The following STXBP6 variants were observed in gnomAD, a reference collection of about 807,000 sequenced individuals.
The protein encoded by STXBP6 is syntaxin-binding protein 6.
STXBP6 carries 21 observed loss-of-function variants against 26.9 expected under a neutral mutation model. The ratio of observed to expected loss-of-function variants is 0.78; its 90% CI spans 0.55 to 1.12. The LOEUF (loss-of-function observed/expected upper bound fraction) is 1.12, where lower values mean the gene tolerates loss of function less well. Among genes scored for constraint, STXBP6 ranks in the 50% most tolerant of loss-of-function variants. The pLI is 0.00. For synonymous variants in STXBP6, 97 were observed against 92.6 expected (o/e 1.05, Z -0.27); for missense variants, 232 against 257.9 (o/e 0.90, Z 0.69).
chr14:24,937,288 T>C lies in STXBP6; in HGVS notation c.154+37377A>G, dbSNP rs557664207. 8.5e-5 allele frequency among the ~76,000 whole-genome samples: 13 copies of C among 152,188 alleles called. No individual in the cohort carries two copies. The East Asian group carries it at 2.5e-3, about 29-fold the overall frequency. On this transcript the variant is annotated intron_variant, in intron 2 of 5. Transcript: ENST00000323944. ...CGTACCCCAGAATTTAAAATATAAT[T>C]TAAAAAAAAGTAAAGAGACTACCAA... is the stretch of plus-strand genomic sequence containing the variant.
In STXBP6 at chr14:25,018,517, C is replaced by T. The variant is rs184213195; in HGVS notation, c.-33+31361G>A. Among the ~76,000 whole-genome samples the T allele has an allele frequency of 1.4e-4, 22 of 152,310 alleles. 1 individual carries two copies. The East Asian group carries it at 4.1e-3, about 28-fold the overall frequency. ...TATGCCATTCTTTGGCATTGCCACC[C>T]AGGGTTAGGGCACTCTCCTGACACT... is the stretch of plus-strand genomic sequence containing the variant. On this transcript the variant is annotated intron_variant, in intron 1 of 5. Coordinates refer to ENST00000323944, the MANE Select transcript of STXBP6 (RefSeq NM_001394410.1).
intron 1 of STXBP6, among the ~76,000 whole-genome samples, chr14:24,980,865 A>T (rs2074171255): frequency 6.6e-6 from 1 of 152,238 alleles, no homozygotes; most frequent in South Asian, 2.1e-4. Context: ...TAGGAAAAAA[A>T]ATATCTTAAA....
rs567120001 is a variant in STXBP6, at chr14:24,975,076, T to C, written c.-32-226A>G. ...GGGGTACTTATTTACTTCCCAAAAA[T>C]GTCAAACACAATATGAGATGAGTAG... On this transcript the variant is annotated intron_variant, in intron 1 of 5. Coordinates refer to ENST00000323944, the MANE Select transcript of STXBP6 (RefSeq NM_001394410.1). 1.6e-4 allele frequency among the ~76,000 whole-genome samples: 25 copies of C among 152,278 alleles called. No homozygotes were observed. The South Asian group carries it at 2.3e-3, about 14-fold the overall frequency.
chr14:24,937,702 A>T (rs1013762481), intron 2 of STXBP6, among the ~76,000 whole-genome samples: 5 of 152,234 alleles, frequency 3.3e-5, no homozygotes, highest in African/African-American at 1.2e-4. Flanking sequence ...TTAAACATGT[A>T]TATACAGCAA....
intron 1 of STXBP6, among the ~76,000 whole-genome samples, chr14:25,041,686 G>A (rs2075645227): frequency 1.3e-5 from 2 of 152,170 alleles, no homozygotes; most frequent in South Asian, 2.1e-4. Flanking sequence ...ACCTGCCAGA[G>A]GAATCAGATA....
chr14:24,886,015 T>G (rs2070571104), intron 2 of STXBP6, among the ~76,000 whole-genome samples: 1 of 152,218 alleles, frequency 6.6e-6, no homozygotes, highest in Non-Finnish European at 1.5e-5. Flanking sequence ...CCTAGCTTCT[T>G]TCTCTATGTT....
At chr14:24,976,880 T>TTTTTTA (rs2074060892) in intron 1 of STXBP6, among the ~76,000 whole-genome samples, 1 of 136,084 alleles carries the variant, frequency 7.3e-6, no homozygotes, top group South Asian at 2.5e-4. Flanking sequence ...TTTTTTTTTT[T>TTTTTTA]GAGGCAGAGT....
chr14:25,027,159 T>A (rs890235143), intron 1 of STXBP6, among the ~76,000 whole-genome samples: 2 of 152,312 alleles, frequency 1.3e-5, no homozygotes, highest in East Asian at 1.9e-4. Flanking sequence ...GATACAAGCA[T>A]AGTTTGTTTA....
chr14:24,964,647 C>CTCTGTGTGTG (rs1555334125), intron 2 of STXBP6, among the ~76,000 whole-genome samples: 1 of 140,128 alleles, frequency 7.1e-6, no homozygotes, highest in African/African-American at 2.7e-5. Flanking sequence ...AGTTCTCATT[C>CTCTGTGTGTG]TGTGTGTGTG....
At chr14:24,958,144 G>A (rs1009175601) in intron 2 of STXBP6, among the ~76,000 whole-genome samples, 4 of 152,056 alleles carry the variant, frequency 2.6e-5, no homozygotes, top group Non-Finnish European at 4.4e-5. Context: ...GATTCAATGC[G>A]GTTAGGCTAA....
chr14:24,897,718 G>C (rs1195382110), intron 2 of STXBP6, among the ~76,000 whole-genome samples: 47 of 152,298 alleles, frequency 3.1e-4, no homozygotes, highest in Non-Finnish European at 5.9e-5. Context: ...GAGAGGTTTA[G>C]TAGGCTCTTG....
chr14:24,949,030 A>G (rs1052946066), intron 2 of STXBP6, among the ~76,000 whole-genome samples: 26 of 152,186 alleles, frequency 1.7e-4, no homozygotes, highest in African/African-American at 6.3e-4. Context: ...AGGAGGGCAC[A>G]CAGAGTAGCT....
chr14:25,042,938 A>T (rs1202311946), intron 1 of STXBP6, among the ~76,000 whole-genome samples: 1 of 152,230 alleles, frequency 6.6e-6, no homozygotes, highest in South Asian at 2.1e-4. Flanking sequence ...CCACCACAAG[A>T]ACCCTCTTTA....
At chr14:24,909,650 G>T (rs1201429978) in intron 2 of STXBP6, among the ~76,000 whole-genome samples, 1 of 151,656 alleles carries the variant, frequency 6.6e-6, no homozygotes, top group Non-Finnish European at 1.5e-5. Context: ...AGCTAGGTGT[G>T]GCGGCTAGTT....
intron 2 of STXBP6, among the ~76,000 whole-genome samples, chr14:24,862,419 T>G (rs1762019537): frequency 6.6e-6 from 1 of 152,180 alleles, no homozygotes; most frequent in African/African-American, 2.4e-5. Flanking sequence ...AAATGTAGGA[T>G]GCCCTTAAAC....
intron 2 of STXBP6, among the ~76,000 whole-genome samples, chr14:24,937,960 C>T (rs1223253739): frequency 6.6e-6 from 1 of 152,188 alleles, no homozygotes; most frequent in Non-Finnish European, 1.5e-5. Flanking sequence ...TCAGCCTTTG[C>T]CACTTTGCAA....
chr14:25,021,073 C>A (rs912131332), intron 1 of STXBP6, among the ~76,000 whole-genome samples: 3 of 152,158 alleles, frequency 2.0e-5, no homozygotes, highest in Non-Finnish European at 4.4e-5. Context: ...TAAACCTCCA[C>A]CTAACACTTC....
At position 24,819,094 on chromosome 14, in the gene STXBP6, C is replaced by T. The variant is rs1287800478; in HGVS notation, c.552G>A (p.Glu184=). The change falls in exon 5 of 6, where the codon GAG becomes GAA. Residue 184 remains glutamate, a synonymous_variant. Coordinates refer to ENST00000323944, the MANE Select transcript of STXBP6 (RefSeq NM_001394410.1). The stretch of plus-strand genomic sequence containing the variant: ...TGTTCTTCAGGTCTTCTGTCTTCTC[C>T]TCTGCTCGGCCTAATCGCTCTCCAC... ...NERGERLGRA[E]EKTEDLKNSA... 1 of 1,613,888 alleles carries T rather than the reference C, an allele frequency of 6.2e-7. No homozygotes were observed. The highest frequency in any genetic ancestry group is 2.2e-5 in the East Asian group (1 of 44,880).
At chr14:24,978,863 T>C (rs1185144870) in intron 1 of STXBP6, among the ~76,000 whole-genome samples, 1 of 152,200 alleles carries the variant, frequency 6.6e-6, no homozygotes, top group Admixed American at 6.5e-5. Flanking sequence ...CAAACTCAAA[T>C]GACCTCAGAG....
Sources: gnomAD v4.1 joint callset for allele counts (sites outside exome capture counted in the v4.1 genomes callset) on GRCh38, gnomAD v4.1.1 for gene constraint, MANE v1.5 for transcripts, NCBI Gene and HGNC (gene_info 2026-07-23, HGNC 2026-07-21) for gene names.